Variants in ADCY1 observed in about 807,000 individuals in gnomAD.
ADCY1 encodes the protein adenylate cyclase 1, also known as adenylate cyclase type 1.
ADCY1 carries 28 observed loss-of-function variants against 105.4 expected under a neutral mutation model. The observed-to-expected ratio is 0.27, with a 90% CI of 0.20 to 0.36. The LOEUF is 0.36. ADCY1 is among the 10% of genes least tolerant of loss of function. The pLI is 1.00. For synonymous variants in ADCY1, 655 were observed against 623.8 expected (o/e 1.05, Z -0.75); for missense variants, 977 against 1,434.2 (o/e 0.68, Z 5.15).
At chr7:45,601,714 C>T (rs1364297940) in intron 2 of ADCY1, among the ~76,000 whole-genome samples, 1 of 152,144 alleles carries the variant, frequency 6.6e-6, no homozygotes, top group East Asian at 1.9e-4. Context: ...GCGGTGGCCT[C>T]TTTGTGTGTG....
At chr7:45,602,711 A>T (rs112291813) in intron 2 of ADCY1, among the ~76,000 whole-genome samples, 6,566 of 152,314 alleles carry the variant, frequency 0.043, 212 homozygotes, top group Non-Finnish European at 0.063. Flanking sequence ...TATTGAGTTT[A>T]TGTACCATAA....
chr7:45,721,949 G>C lies in ADCY1; in HGVS notation c.*7954G>C, dbSNP rs1785482170. 2.5e-6 allele frequency: 1 copy of C among 397,794 alleles called. No homozygotes were observed. Among genetic ancestry groups the C allele is most frequent in the Non-Finnish European group, 4.4e-6 (1 of 225,872 alleles). 24.6% of individuals were successfully genotyped at this position (397,794 alleles called of 1,614,324 possible). A position where few individuals can be genotyped will look rare whatever the true frequency, so the allele number is the denominator to read the frequency against. On this transcript the variant is annotated 3_prime_UTR_variant, in exon 20 of 20. Coordinates refer to ENST00000297323, the MANE Select transcript of ADCY1 (RefSeq NM_021116.4). The stretch of plus-strand genomic sequence containing the variant: ...CCAAGAGATCTATTAAATCTTGTGG[G>C]CTGAATAAATATCTCGTGCAGGACT...
chr7:45,644,119 A>C (rs900949935), intron 4 of ADCY1, among the ~76,000 whole-genome samples: 1 of 152,224 alleles, frequency 6.6e-6, no homozygotes, highest in African/African-American at 2.4e-5. Flanking sequence ...CTTTCGGGCA[A>C]AAACTGGATT....
chr7:45,614,547 G>A (rs1793685520), intron 3 of ADCY1, among the ~76,000 whole-genome samples: 1 of 152,108 alleles, frequency 6.6e-6, no homozygotes, highest in Non-Finnish European at 1.5e-5. Context: ...TTCCCTATCA[G>A]TACTTAAAGT....
At position 45,708,338 on chromosome 7, in the gene ADCY1, G is replaced by T. The variant is rs1377869800; in HGVS notation, c.2818-12G>T. On this transcript the variant is annotated splice_polypyrimidine_tract_variant and intron_variant, in intron 17 of 19. Transcript: ENST00000297323. The surrounding 1 kb of genome is among the most constrained non-coding windows in gnomAD (Gnocchi z 4.7). ...CTCCCCAGATGTAATGACCCCATCT[G>T]TTTACACCTAGGCTAAGAAGTCCAT... 18 of 1,608,092 alleles carry T rather than the reference G, an allele frequency of 1.1e-5. No homozygotes were observed. The highest frequency in any genetic ancestry group is 1.4e-5 in the Non-Finnish European group (17 of 1,174,534).
chr7:45,669,627 C>T (rs1235013184), intron 8 of ADCY1, among the ~76,000 whole-genome samples: 1 of 152,122 alleles, frequency 6.6e-6, no homozygotes, highest in Non-Finnish European at 1.5e-5. Flanking sequence ...GTGGAGAGTT[C>T]TGCGTATTTT....
chr7:45,659,348 G>T (rs1795028585), intron 6 of ADCY1, among the ~76,000 whole-genome samples: 1 of 152,248 alleles, frequency 6.6e-6, no homozygotes, highest in Non-Finnish European at 1.5e-5. Flanking sequence ...GTGAAGTGAA[G>T]AACTGGGTTT....
At chr7:45,617,603 A>C (rs1793771993) in intron 3 of ADCY1, among the ~76,000 whole-genome samples, 1 of 152,224 alleles carries the variant, frequency 6.6e-6, no homozygotes, top group African/African-American at 2.4e-5. Context: ...CCCATACACT[A>C]ATAATGTACT....
chr7:45,599,603 T>C (rs1243297949), intron 2 of ADCY1, among the ~76,000 whole-genome samples: 1 of 150,558 alleles, frequency 6.6e-6, no homozygotes, highest in Non-Finnish European at 1.5e-5. Flanking sequence ...GTGAGGAGGT[T>C]TGTGGGTACC....
intron 4 of ADCY1, among the ~76,000 whole-genome samples, chr7:45,624,120 G>A (rs1342075728): frequency 6.6e-6 from 1 of 152,198 alleles, no homozygotes; most frequent in Non-Finnish European, 1.5e-5. Context: ...AATGAAGGAG[G>A]GGAGAAGAGG....
At chr7:45,669,551 T>G (rs1487482536) in intron 8 of ADCY1, among the ~76,000 whole-genome samples, 1 of 152,192 alleles carries the variant, frequency 6.6e-6, no homozygotes, top group Non-Finnish European at 1.5e-5. Flanking sequence ...TACTTCCAAC[T>G]ATGTGGTCAA....
intron 14 of ADCY1, among the ~76,000 whole-genome samples, chr7:45,701,978 G>T (rs181851172): frequency 6.6e-6 from 1 of 152,170 alleles, no homozygotes; most frequent in Non-Finnish European, 1.5e-5. Context: ...TCCATGGATC[G>T]CACTGATTCG....
chr7:45,627,081 A>G (rs1794077532), intron 4 of ADCY1, among the ~76,000 whole-genome samples: 1 of 152,204 alleles, frequency 6.6e-6, no homozygotes, highest in Non-Finnish European at 1.5e-5. Flanking sequence ...TGGCTGCACT[A>G]TGCAACATGA....
intron 2 of ADCY1, among the ~76,000 whole-genome samples, chr7:45,599,222 C>A (rs1332369908): frequency 6.6e-6 from 1 of 152,076 alleles, no homozygotes; most frequent in Non-Finnish European, 1.5e-5. Context: ...CCTGCCCAGC[C>A]TCCTTCCTGC....
At chr7:45,664,638 G>A (rs1435527335) in intron 8 of ADCY1, 54 of 686,130 alleles carry the variant, frequency 7.9e-5, no homozygotes, top group Non-Finnish European at 1.0e-5. Context: ...AAGTTTGTGT[G>A]TCTGTATTTT....
chr7:45,600,563 A>C (rs970285994), intron 2 of ADCY1, among the ~76,000 whole-genome samples: 7 of 152,264 alleles, frequency 4.6e-5, no homozygotes, highest in African/African-American at 1.7e-4. Flanking sequence ...CTTAAACAAA[A>C]TAGAAGTTGT....
At chr7:45,657,584 A>G in intron 5 of ADCY1, 143 bp from the exon 6 acceptor site, 4 of 879,962 alleles carry the variant, frequency 4.5e-6, no homozygotes, top group East Asian at 2.7e-5. Flanking sequence ...TGACTATGCC[A>G]GGAGACCTCC....
chr7:45,680,172 A>G (rs1457292357), intron 11 of ADCY1, among the ~76,000 whole-genome samples: 7 of 152,208 alleles, frequency 4.6e-5, no homozygotes, highest in Non-Finnish European at 1.0e-4. Flanking sequence ...GGCGATTGAT[A>G]TTGATTAAAC....
intron 4 of ADCY1, among the ~76,000 whole-genome samples, chr7:45,636,312 T>G (rs1462694119): frequency 6.6e-6 from 1 of 152,242 alleles, no homozygotes; most frequent in Admixed American, 6.5e-5. Context: ...AAGTCTTCTC[T>G]GGATTACTTA....
Sources: gnomAD v4.1 joint callset for allele counts (sites outside exome capture counted in the v4.1 genomes callset) on GRCh38, gnomAD v4.1.1 for gene constraint, Gnocchi (gnomAD v3.1) non-coding constraint, MANE v1.5 for transcripts, NCBI Gene and HGNC (gene_info 2026-07-23, HGNC 2026-07-21) for gene names.